CA10: variants seen among roughly 807,000 people sequenced by gnomAD.
The protein encoded by CA10 is carbonic anhydrase 10 (inactive), also known as carbonic anhydrase-related protein 10.
A neutral mutation model predicts 44.2 loss-of-function variants in CA10; 14 were observed. That is an observed-to-expected ratio of 0.32 (90% CI 0.21 to 0.50). CA10 has a LOEUF of 0.50. Ranked by LOEUF, CA10 falls within the 20% of genes least tolerant of loss-of-function variation. The pLI, the probability that CA10 is intolerant of heterozygous loss-of-function variation, is 0.99. For missense variants in CA10, 350 were observed against 409.7 expected (o/e 0.85, Z 1.26); for synonymous variants, 159 against 141.6 (o/e 1.12, Z -0.87).
At chr17:52,037,190 C>G (rs1986642751) in intron 2 of CA10, among the ~76,000 whole-genome samples, 1 of 152,024 alleles carries the variant, frequency 6.6e-6, no homozygotes, top group Non-Finnish European at 1.5e-5. Context: ...ATTCGAAATC[C>G]CTGGGTTGGC....
intron 3 of CA10, among the ~76,000 whole-genome samples, chr17:51,916,738 T>A (rs1045245150): frequency 6.6e-6 from 1 of 152,122 alleles, no homozygotes; most frequent in Non-Finnish European, 1.5e-5. Context: ...GGAATTAAGA[T>A]GAAAGTAAGA....
At chr17:52,151,651 CA>C (rs1041265301) in intron 1 of CA10, among the ~76,000 whole-genome samples, 7 of 152,150 alleles carry the variant, frequency 4.6e-5, no homozygotes, top group African/African-American at 1.4e-4. Context: ...TTGGCATTTA[CA>C]AAAACTGATC....
chr17:51,857,752 A>G (rs957188685), intron 3 of CA10, among the ~76,000 whole-genome samples: 2 of 152,232 alleles, frequency 1.3e-5, no homozygotes, highest in East Asian at 3.8e-4. Flanking sequence ...TCTGAATGAC[A>G]TAAGAGACAG....
chr17:51,682,270 G>C (rs1567801646), intron 4 of CA10, among the ~76,000 whole-genome samples: 1 of 152,204 alleles, frequency 6.6e-6, no homozygotes, highest in Non-Finnish European at 1.5e-5. Context: ...GATAAGATGG[G>C]AGGCCAGGTG....
intron 4 of CA10, among the ~76,000 whole-genome samples, chr17:51,676,773 C>G (rs1291144683): frequency 6.6e-6 from 1 of 152,158 alleles, no homozygotes; most frequent in Admixed American, 6.5e-5. Flanking sequence ...AAAACCCTAC[C>G]ATTCCAGGCA....
At chr17:52,140,472 A>G (rs764264089) in intron 1 of CA10, among the ~76,000 whole-genome samples, 6 of 152,200 alleles carry the variant, frequency 3.9e-5, no homozygotes, top group Non-Finnish European at 8.8e-5. Context: ...TTCATGAACC[A>G]AAATTTGTTT....
intron 3 of CA10, among the ~76,000 whole-genome samples, chr17:51,904,211 ACTC>A (rs1171897474): frequency 6.6e-6 from 1 of 151,166 alleles, no homozygotes; most frequent in Non-Finnish European, 1.5e-5. Flanking sequence ...AAAAAAAAAA[ACTC>A]TTATTATATT....
At chr17:51,999,822 C>A (rs975151196) in intron 2 of CA10, among the ~76,000 whole-genome samples, 5 of 152,022 alleles carry the variant, frequency 3.3e-5, no homozygotes, top group Admixed American at 1.3e-4. Flanking sequence ...CACCAAGACA[C>A]AGAAGCAGTA....
At chr17:51,736,370 G>T (rs1916913125) in intron 4 of CA10, among the ~76,000 whole-genome samples, 1 of 152,192 alleles carries the variant, frequency 6.6e-6, no homozygotes, top group African/African-American at 2.4e-5. Flanking sequence ...GGACTTTACA[G>T]AAACAGCAGC....
chr17:52,059,115 T>A (rs901915212), intron 2 of CA10, among the ~76,000 whole-genome samples: 2 of 152,124 alleles, frequency 1.3e-5, no homozygotes, highest in African/African-American at 4.8e-5. Flanking sequence ...CTCTTAGAGA[T>A]GAAAAATCAG....
At chr17:51,692,426 T>TCTA (rs752192230) in intron 4 of CA10, among the ~76,000 whole-genome samples, 1,441 of 107,626 alleles carry the variant, frequency 0.013, 15 homozygotes, top group East Asian at 0.034. Flanking sequence ...TATCTATCTA[T>TCTA]TTTACCATTT....
At chr17:51,915,346 T>C (rs573453382) in intron 3 of CA10, among the ~76,000 whole-genome samples, 8 of 152,322 alleles carry the variant, frequency 5.3e-5, no homozygotes, top group East Asian at 1.9e-4. Flanking sequence ...TGTTATTAAT[T>C]CACCTCTGAA....
At chr17:51,790,956 C>A (rs1906498289) in intron 3 of CA10, among the ~76,000 whole-genome samples, 1 of 152,210 alleles carries the variant, frequency 6.6e-6, no homozygotes, top group South Asian at 2.1e-4. Context: ...TAAGAGGATG[C>A]ACTTTGAAGT....
At chr17:51,668,703 A>G (rs954065857) in intron 4 of CA10, among the ~76,000 whole-genome samples, 9 of 152,132 alleles carry the variant, frequency 5.9e-5, no homozygotes, top group African/African-American at 2.2e-4. Flanking sequence ...CCGCTGCTGC[A>G]CTGTGGGAGC....
At chr17:51,919,777 G>A (rs1360781111) in intron 3 of CA10, among the ~76,000 whole-genome samples, 1 of 152,022 alleles carries the variant, frequency 6.6e-6, no homozygotes. Flanking sequence ...TCAGCCTCCC[G>A]AGTAGCTGGG....
chr17:51,810,863 C>T (rs1199846548), intron 3 of CA10, among the ~76,000 whole-genome samples: 4 of 152,174 alleles, frequency 2.6e-5, no homozygotes, highest in Non-Finnish European at 5.9e-5. Flanking sequence ...CCACACCAGA[C>T]AAGGCCACTG....
intron 2 of CA10, among the ~76,000 whole-genome samples, chr17:51,944,629 A>G (rs1037721575): frequency 5.9e-5 from 9 of 152,146 alleles, no homozygotes; most frequent in African/African-American, 9.7e-5. Flanking sequence ...TTTTAACAAT[A>G]CAGCAAATTT....
chr17:51,866,411 T>C (rs1017274359), intron 3 of CA10, among the ~76,000 whole-genome samples: 2 of 152,242 alleles, frequency 1.3e-5, no homozygotes, highest in African/African-American at 4.8e-5. Context: ...TCTTGGCAGC[T>C]AGTTTTTACT....
At chr17:52,046,675 T>C (rs1260121397) in intron 2 of CA10, among the ~76,000 whole-genome samples, 1 of 151,880 alleles carries the variant, frequency 6.6e-6, no homozygotes, top group Non-Finnish European at 1.5e-5. Flanking sequence ...TTACAGCTCC[T>C]TTCAGAAACC....
Sources: allele counts gnomAD v4.1 joint callset (sites outside exome capture counted in the v4.1 genomes callset), GRCh38; gene constraint gnomAD v4.1.1; transcripts MANE v1.5; gene names NCBI Gene and HGNC (gene_info 2026-07-23, HGNC 2026-07-21).